The following HACE1 variants were observed in gnomAD, a reference collection of about 807,000 sequenced individuals.
HACE1 encodes the protein HECT domain and ankyrin repeat containing E3 ubiquitin protein ligase 1, also known as E3 ubiquitin-protein ligase HACE1.
A neutral mutation model predicts 118.4 loss-of-function variants in HACE1; 73 were observed. The ratio of observed to expected loss-of-function variants is 0.62; its 90% CI spans 0.51 to 0.75. The LOEUF is 0.75. Among genes scored for constraint, HACE1 ranks in the 30% least tolerant of loss-of-function variants. The pLI, the probability that HACE1 is intolerant of heterozygous loss-of-function variation, is 0.00. For missense variants in HACE1, 749 were observed against 1,102.2 expected (o/e 0.68, Z 4.54); for synonymous variants, 368 against 374.8 (o/e 0.98, Z 0.21).
At chr6:104,757,687 A>T (rs9391239) in intron 19 of HACE1, among the ~76,000 whole-genome samples, 1 of 152,082 alleles carries the variant, frequency 6.6e-6, no homozygotes, top group African/African-American at 2.4e-5. Context: ...AACTGGATGG[A>T]GAATGAGTTT....
intron 6 of HACE1, among the ~76,000 whole-genome samples, chr6:104,817,244 T>C (rs1313817203): frequency 1.1e-4 from 16 of 152,140 alleles, no homozygotes; most frequent in Non-Finnish European, 1.6e-4. Context: ...TTTGGATTTG[T>C]GTCCCCGCCA....
At chr6:104,734,719 C>A (rs1016490244) in intron 22 of HACE1, among the ~76,000 whole-genome samples, 1 of 152,120 alleles carries the variant, frequency 6.6e-6, no homozygotes, top group African/African-American at 2.4e-5. Flanking sequence ...AAATAGCACA[C>A]CTCTTTTTCA....
chr6:104,771,432 T>C (rs781532948), intron 18 of HACE1, 43 bp from the exon 19 acceptor site: 1 of 1,281,024 alleles, frequency 7.8e-7, no homozygotes, highest in Non-Finnish European at 1.1e-6. Flanking sequence ...TGGTTTTGCC[T>C]TCCCTTATCT....
chr6:104,854,531 C>A (rs931964064), intron 1 of HACE1, among the ~76,000 whole-genome samples: 1 of 151,822 alleles, frequency 6.6e-6, no homozygotes, highest in Admixed American at 6.6e-5. Context: ...GGAGGAGGAA[C>A]TGTCATACAT....
At chr6:104,750,292 G>A (rs1181964950) in intron 20 of HACE1, 49 bp downstream of exon 20, 6 of 1,488,946 alleles carry the variant, frequency 4.0e-6, no homozygotes, top group Non-Finnish European at 4.7e-6. Flanking sequence ...ACATCAACTA[G>A]AGTTTTTTGT....
chr6:104,848,275 G>A (rs12190394), intron 4 of HACE1, among the ~76,000 whole-genome samples: 65,382 of 149,924 alleles, frequency 0.44, 15,796 homozygotes, highest in East Asian at 0.58. Flanking sequence ...GGCCAACATG[G>A]TGAAACCCCG....
At chr6:104,795,830 A>C in intron 9 of HACE1, 145 bp from the exon 10 acceptor site, 1 of 621,656 alleles carries the variant, frequency 1.6e-6, no homozygotes, top group Non-Finnish European at 2.8e-6. Flanking sequence ...TTTAAAAGCT[A>C]ATATAGAGAT....
At position 104,771,911 on chromosome 6, in the gene HACE1, T is replaced by C. The variant is rs1316515182; in HGVS notation, c.2014+14A>G. 2 of 1,543,878 alleles carry C rather than the reference T, an allele frequency of 1.3e-6. No individual in the cohort carries two copies. The highest frequency in any genetic ancestry group is 1.8e-6 in the Non-Finnish European group (2 of 1,116,584). On this transcript the variant is annotated intron_variant, in intron 18 of 23. Coordinates refer to ENST00000262903, the MANE Select transcript of HACE1 (RefSeq NM_020771.4). ...TATAAATAAATGTCTGCAGAAATAATAATAGAGCCATACCAAGAATGTGCT... is the reference window on the plus strand; with the variant it reads ...TATAAATAAATGTCTGCAGAAATAACAATAGAGCCATACCAAGAATGTGCT...
chr6:104,743,974 T>C (rs1777122874), intron 22 of HACE1, among the ~76,000 whole-genome samples, 186 bp downstream of exon 22: 1 of 152,094 alleles, frequency 6.6e-6, no homozygotes. Context: ...GTAAACATGA[T>C]TGCTCACTAC....
chr6:104,859,465 G>A, intron 1 of HACE1, 102 bp downstream of exon 1: 1 of 903,284 alleles, frequency 1.1e-6, no homozygotes, highest in South Asian at 1.7e-5. Flanking sequence ...CGTTTTCTCA[G>A]CTTTCAGTTA....
intron 12 of HACE1, 65 bp from the exon 13 acceptor site, chr6:104,784,550 G>A: frequency 9.3e-7 from 1 of 1,071,740 alleles, no homozygotes; most frequent in Non-Finnish European, 1.5e-6. Flanking sequence ...TAGCGAACTT[G>A]ATAAATATAT....
chr6:104,841,052 T>C (rs12664270), intron 5 of HACE1, among the ~76,000 whole-genome samples: 62,023 of 147,716 alleles, frequency 0.42, 15,179 homozygotes, highest in East Asian at 0.58. Context: ...ACCCGGGAGG[T>C]GGAAGTTGCA....
intron 14 of HACE1, among the ~76,000 whole-genome samples, chr6:104,781,467 G>C (rs1458999197): frequency 1.3e-5 from 2 of 152,146 alleles, no homozygotes; most frequent in African/African-American, 4.8e-5. Context: ...ACCAAGAGCT[G>C]GGTGCCAGGT....
intron 20 of HACE1, among the ~76,000 whole-genome samples, chr6:104,748,778 C>A (rs1436232147): frequency 6.6e-6 from 1 of 152,100 alleles, no homozygotes; most frequent in South Asian, 2.1e-4. Context: ...TTCCCACAAA[C>A]AAAAACTTGA....
Position 104,791,608 on chromosome 6 carries a change from C to A in HACE1, c.970G>T (p.Val324Leu). The change falls in exon 11 of 24, where the codon GTG (valine) becomes TTG (leucine). Residue 324 changes from valine (V) to leucine (L), a missense_variant. Val to Leu is a conservative substitution (Grantham distance 32). Around this residue, in one of 5 missense-constraint regions of HACE1, gnomAD observed 267 missense variants for 312.2 expected, o/e 0.86. Transcript: ENST00000262903. ...CGAAAGACGTGACAAAACATTCTCA[C>A]AATCCTTAAAAGGCTCTTCATTTGA... ...DAQMKSLLRI[V>L]RMFCHVFRIG... 1 of 1,611,808 alleles carries A rather than the reference C, an allele frequency of 6.2e-7. No homozygotes were observed. The highest frequency in any genetic ancestry group is 8.5e-7 in the Non-Finnish European group (1 of 1,178,002).
intron 4 of HACE1, among the ~76,000 whole-genome samples, chr6:104,844,661 CCTT>C (rs1173907523): frequency 7.0e-6 from 1 of 142,376 alleles, no homozygotes; most frequent in Non-Finnish European, 1.5e-5. Context: ...TCCATCACAA[CCTT>C]TTTTTTTTTT....
rs577374624 is a variant in HACE1 at position 104,857,542 on chromosome 6, C to A, written c.76+2025G>T. On this transcript the variant is annotated intron_variant, in intron 1 of 23. Coordinates refer to ENST00000262903, the MANE Select transcript of HACE1 (RefSeq NM_020771.4). Reference sequence around the variant, plus strand: ...GGAAGTATTTAGAGGCAGACTATGTCTTAAATACAAAGCTGTTTCTCATAA... The same window carrying A: ...GGAAGTATTTAGAGGCAGACTATGTATTAAATACAAAGCTGTTTCTCATAA... Among the ~76,000 whole-genome samples, 3 of 151,478 alleles carry A rather than the reference C, an allele frequency of 2.0e-5. No individual in the cohort carries two copies. The South Asian group carries it at 6.2e-4, about 32-fold the overall frequency.
At chr6:104,741,260 C>T (rs11755110) in intron 22 of HACE1, among the ~76,000 whole-genome samples, 31,109 of 80,634 alleles carry the variant, frequency 0.39, 7,390 homozygotes, top group African/African-American at 0.64. Context: ...AAGACAGGGA[C>T]GCCCTCTCTC....
intron 14 of HACE1, among the ~76,000 whole-genome samples, chr6:104,778,896 C>A (rs953342395): frequency 5.9e-5 from 9 of 152,042 alleles, no homozygotes; most frequent in Non-Finnish European, 1.2e-4. Flanking sequence ...TCCCCATAAC[C>A]TACCCCCACA....
Sources: gnomAD v4.1 joint callset for allele counts (sites outside exome capture counted in the v4.1 genomes callset) on GRCh38, gnomAD v4.1.1 for gene constraint, gnomAD v4.1.1 regional missense constraint, MANE v1.5 for transcripts, NCBI Gene and HGNC (gene_info 2026-07-23, HGNC 2026-07-21) for gene names.